PAFAH1B1: variants seen among roughly 807,000 people sequenced by gnomAD.
PAFAH1B1 encodes the protein platelet-activating factor acetylhydrolase IB subunit beta.
A neutral mutation model predicts 57.5 loss-of-function variants in PAFAH1B1; 2 were observed. That is an observed-to-expected ratio of 0.03 (90% CI 0.01 to 0.11). The LOEUF (loss-of-function observed/expected upper bound fraction) is 0.11, where lower values mean the gene tolerates loss of function less well. Ranked by LOEUF, PAFAH1B1 falls within the 10% of genes least tolerant of loss-of-function variation. The pLI, the probability that PAFAH1B1 is intolerant of heterozygous loss-of-function variation, is 1.00. For missense variants in PAFAH1B1, 257 were observed against 512.0 expected, an observed-to-expected ratio of 0.50 and a Z score of 4.81; for synonymous variants, 152 against 169.6, an observed-to-expected ratio of 0.90 and a Z score of 0.81.
intron 1 of PAFAH1B1, among the ~76,000 whole-genome samples, chr17:2,618,689 C>T (rs2068379087): frequency 1.3e-5 from 2 of 151,240 alleles, no homozygotes; most frequent in Non-Finnish European, 3.0e-5. Context: ...CTCTTGTTGC[C>T]CAGGCTGGAG....
rs370760228 is a variant in PAFAH1B1 at position 2,668,302 on chromosome 17, C to T, written c.399+1104C>T. Among the ~76,000 whole-genome samples the T allele has an allele frequency of 3.2e-3, 473 of 149,538 alleles. 12 individuals are homozygous for T. The highest frequency in any genetic ancestry group is 0.012 in the African/African-American group (452 of 39,014). On this transcript the variant is annotated intron_variant, in intron 5 of 10. Transcript: ENST00000397195. ...TCGCTCCACTGCACTCCAGCCTGGGCGACAGAGCGAGACTGTCTCAAAAAG... is the reference window on the plus strand; with the variant it reads ...TCGCTCCACTGCACTCCAGCCTGGGTGACAGAGCGAGACTGTCTCAAAAAG...
chr17:2,641,727 C>T (rs937742342), intron 2 of PAFAH1B1: 1 of 152,014 alleles, frequency 6.6e-6, no homozygotes, highest in African/African-American at 2.4e-5. Flanking sequence ...TTCTTAGTGG[C>T]GCATGATATG....
intron 4 of PAFAH1B1, among the ~76,000 whole-genome samples, chr17:2,666,698 C>G (rs2069110109): frequency 1.3e-5 from 2 of 152,162 alleles, no homozygotes; most frequent in South Asian, 4.1e-4. Context: ...CACTGCCCTT[C>G]TCTAATTAGT....
intron 1 of PAFAH1B1, among the ~76,000 whole-genome samples, chr17:2,630,699 T>A (rs1402613958): frequency 6.6e-6 from 1 of 152,186 alleles, no homozygotes; most frequent in African/African-American, 2.4e-5. Context: ...CTCCCAAATA[T>A]GTTTTCCACG....
At chr17:2,622,114 A>C (rs2068432655) in intron 1 of PAFAH1B1, among the ~76,000 whole-genome samples, 1 of 152,144 alleles carries the variant, frequency 6.6e-6, no homozygotes, top group Admixed American at 6.5e-5. Context: ...AACACGTGGG[A>C]ATTCTGAGAG....
intron 1 of PAFAH1B1, among the ~76,000 whole-genome samples, chr17:2,625,854 C>T (rs1203729972): frequency 1.3e-5 from 2 of 152,120 alleles, no homozygotes; most frequent in Non-Finnish European, 2.9e-5. Flanking sequence ...AGGAGGATCT[C>T]TTGAGCCTAG....
At chr17:2,611,628 GTTTGT>G (rs1325073759) in intron 1 of PAFAH1B1, among the ~76,000 whole-genome samples, 2 of 152,108 alleles carry the variant, frequency 1.3e-5, no homozygotes, top group Admixed American at 6.6e-5. Context: ...TTTGGTTTTT[GTTTGT>G]TTTGAGTCGG....
rs150354396 is a variant in PAFAH1B1 at position 2,622,927 on chromosome 17, C to T, written c.-190-15172C>T. On this transcript the variant is annotated intron_variant, in intron 1 of 10. Coordinates refer to ENST00000397195, the MANE Select transcript of PAFAH1B1 (RefSeq NM_000430.4). ...CTGTGAACCCACTTGCTCAACACCACGTGGAAGCTGCCAAGGCTTGGGGCT... is the reference window on the plus strand; with the variant it reads ...CTGTGAACCCACTTGCTCAACACCATGTGGAAGCTGCCAAGGCTTGGGGCT... Among the ~76,000 whole-genome samples, 35 of 152,350 alleles carry T rather than the reference C, an allele frequency of 2.3e-4. No homozygotes were observed. The East Asian group carries it at 6.0e-3, about 26-fold the overall frequency.
intron 1 of PAFAH1B1, among the ~76,000 whole-genome samples, chr17:2,612,127 A>G (rs755836820): frequency 1.3e-5 from 2 of 151,932 alleles, no homozygotes; most frequent in African/African-American, 2.4e-5. Context: ...TTTTTTGCCA[A>G]TACTGTTTGA....
At chr17:2,644,354 T>C (rs960613943) in intron 2 of PAFAH1B1, among the ~76,000 whole-genome samples, 2 of 152,056 alleles carry the variant, frequency 1.3e-5, no homozygotes, top group Admixed American at 6.6e-5. Flanking sequence ...CCAGCCTGGC[T>C]AACATGGTGA....
At chr17:2,601,514 T>A (rs2068143474) in intron 1 of PAFAH1B1, among the ~76,000 whole-genome samples, 1 of 152,138 alleles carries the variant, frequency 6.6e-6, no homozygotes, top group Non-Finnish European at 1.5e-5. Flanking sequence ...TGATCTTGGC[T>A]TACTTCAACC....
chr17:2,610,585 C>T (rs1313450646), intron 1 of PAFAH1B1, among the ~76,000 whole-genome samples: 1 of 152,166 alleles, frequency 6.6e-6, no homozygotes, highest in Admixed American at 6.6e-5. Context: ...AAAGAATTGT[C>T]TTGGGCTACA....
intron 2 of PAFAH1B1, among the ~76,000 whole-genome samples, chr17:2,651,072 A>G (rs1033554061): frequency 6.6e-6 from 1 of 152,162 alleles, no homozygotes; most frequent in Admixed American, 6.6e-5. Context: ...AGTAATGTCT[A>G]AGCCATCTGG....
intron 2 of PAFAH1B1, among the ~76,000 whole-genome samples, chr17:2,650,658 AAAG>A (rs1371402073): frequency 1.4e-5 from 2 of 145,694 alleles, no homozygotes; most frequent in Non-Finnish European, 3.0e-5. Context: ...AAAAAAAAAA[AAAG>A]GAAGTTAATT....
intron 2 of PAFAH1B1, among the ~76,000 whole-genome samples, 155 bp from the exon 3 acceptor site, chr17:2,665,217 C>T (rs984971377): frequency 7.2e-5 from 11 of 151,862 alleles, no homozygotes; most frequent in Non-Finnish European, 1.0e-4. Flanking sequence ...GGAGGCTTTG[C>T]GGGGGTGTCC....
intron 10 of PAFAH1B1, chr17:2,680,817 C>G (rs4790089): frequency 0.91 from 174,765 of 191,462 alleles, 79,974 homozygotes; most frequent in Non-Finnish European, 0.94. Context: ...CCAAAGCCTG[C>G]GTAAGGTGGG....
At chr17:2,661,212 C>T (rs578173271) in intron 2 of PAFAH1B1, among the ~76,000 whole-genome samples, 11 of 152,144 alleles carry the variant, frequency 7.2e-5, no homozygotes, top group African/African-American at 2.6e-4. Context: ...GATGCAGTTG[C>T]TTTTGGCATT....
intron 1 of PAFAH1B1, among the ~76,000 whole-genome samples, chr17:2,633,809 T>A (rs1454474359): frequency 6.6e-6 from 1 of 152,102 alleles, no homozygotes; most frequent in East Asian, 1.9e-4. Context: ...TGAGACATAC[T>A]CTCTCCTCTT....
chr17:2,676,289 A>AT (rs1374823730), intron 8 of PAFAH1B1: 7 of 485,114 alleles, frequency 1.4e-5, no homozygotes, highest in Non-Finnish European at 2.6e-5. Context: ...GAGGCAGGAG[A>AT]TTCGCTTGAA....
Sources: gnomAD v4.1 joint callset for allele counts (sites outside exome capture counted in the v4.1 genomes callset) on GRCh38, gnomAD v4.1.1 for gene constraint, MANE v1.5 for transcripts, NCBI Gene and HGNC (gene_info 2026-07-23, HGNC 2026-07-21) for gene names.